ACTR10: variants seen among roughly 807,000 people sequenced by gnomAD.
The protein encoded by ACTR10 is actin-related protein 10.
Under a neutral mutation model 56.2 loss-of-function variants are expected in ACTR10, and 43 were observed. That is an observed-to-expected ratio of 0.77 (90% confidence interval 0.60 to 0.99). The LOEUF is 0.99. Among genes scored for constraint, ACTR10 ranks in the 50% least tolerant of loss-of-function variants. The pLI is 0.00. For missense variants in ACTR10, 466 were observed against 507.8 expected, an observed-to-expected ratio of 0.92 and a Z score of 0.79; for synonymous variants, 170 against 176.3, an observed-to-expected ratio of 0.96 and a Z score of 0.28.
chr14:58,221,292 A>AT (rs1460971214), intron 8 of ACTR10, among the ~76,000 whole-genome samples: 46 of 149,010 alleles, frequency 3.1e-4, no homozygotes, highest in African/African-American at 1.1e-3. Context: ...AAAAAAAAAA[A>AT]AAAAAAAAAA....
Position 58,211,324 on chromosome 14 carries a change from A to G in ACTR10, c.375A>G (p.Leu125=), listed in dbSNP as rs139523686. 381 of 1,613,688 alleles carry G rather than the reference A, an allele frequency of 2.4e-4. No individual in the cohort carries two copies. The highest frequency in any genetic ancestry group is 3.2e-4 in the Admixed American group (19 of 59,996). The change falls in exon 5 of 13, where the codon CTA becomes CTG. Residue 125 remains leucine, a synonymous_variant. Transcript: ENST00000254286. ...CTGTCTTGCTTGCTCCAAGTCATCT[A>G]ATGGCTCTTCTGACGCTTGGAATTA... is the stretch of plus-strand genomic sequence containing the variant. ...VPSVLLAPSH[L]MALLTLGINS...
chr14:58,203,302 CA>C (rs11384472), intron 2 of ACTR10, among the ~76,000 whole-genome samples: 54 of 105,460 alleles, frequency 5.1e-4, no homozygotes, highest in Non-Finnish European at 7.2e-4. Context: ...GACTTCGTCT[CA>C]AAAAAAAAAA....
At chr14:58,207,825 G>A (rs1295280681) in intron 2 of ACTR10, 111 bp from the exon 3 acceptor site, 2 of 607,900 alleles carry the variant, frequency 3.3e-6, no homozygotes, top group East Asian at 4.8e-5. Context: ...TCTCAATACA[G>A]ATTGCTTTTA....
intron 10 of ACTR10, among the ~76,000 whole-genome samples, chr14:58,225,837 CA>C (rs1389098705): frequency 6.6e-6 from 1 of 151,982 alleles, no homozygotes; most frequent in East Asian, 1.9e-4. Context: ...CTCAACCTCC[CA>C]AGTAGCTAGG....
intron 12 of ACTR10, 139 bp downstream of exon 12, chr14:58,232,406 T>TTC (rs1889562600): frequency 9.9e-6 from 1 of 100,660 alleles, no homozygotes. Context: ...GACTTTTTCT[T>TTC]TTTTTTTTTT....
At chr14:58,229,971 A>T (rs980656905) in intron 10 of ACTR10, among the ~76,000 whole-genome samples, 2 of 152,178 alleles carry the variant, frequency 1.3e-5, no homozygotes, top group Non-Finnish European at 2.9e-5. Context: ...GTATTATTTT[A>T]AAAAACAAAG....
chr14:58,202,912 A>G lies in ACTR10; in HGVS notation c.135A>G (p.Arg45=). ...PRCIIPSVIK[R]AGMPKPVRVV... ...GTATAATTCCTAGTGTGATAAAAAG[A>G]GCTGGGATGCCTAAGGTATTTAAAA... The change falls in exon 2 of 13, where the codon AGA becomes AGG. Residue 45 remains arginine, a synonymous_variant. Transcript: ENST00000254286. 2 of 1,600,322 alleles carry G rather than the reference A, an allele frequency of 1.2e-6. No homozygotes were observed. Among genetic ancestry groups the G allele is most frequent in the Middle Eastern group, 1.7e-4 (1 of 6,034 alleles).
chr14:58,209,704 T>C (rs1888949525), intron 4 of ACTR10, among the ~76,000 whole-genome samples: 1 of 152,198 alleles, frequency 6.6e-6, no homozygotes, highest in Admixed American at 6.5e-5. Flanking sequence ...TCACCAAGAA[T>C]ATGTTTTAAG....
intron 2 of ACTR10, 94 bp downstream of exon 2, chr14:58,203,021 G>A: frequency 1.1e-6 from 1 of 870,490 alleles, no homozygotes; most frequent in Non-Finnish European, 1.8e-6. Context: ...AGTACTAAAG[G>A]CCAGCCGTGG....
chr14:58,211,259 C>A, intron 4 of ACTR10, 33 bp from the exon 5 acceptor site: 1 of 1,477,982 alleles, frequency 6.8e-7, no homozygotes, highest in Non-Finnish European at 9.4e-7. Flanking sequence ...ACACTCATTC[C>A]GGTTTTGTTG....
chr14:58,228,278 A>G (rs1889446532), intron 10 of ACTR10, among the ~76,000 whole-genome samples: 1 of 152,168 alleles, frequency 6.6e-6, no homozygotes, highest in African/African-American at 2.4e-5. Flanking sequence ...GTTTCAAGCA[A>G]GTAGTCCTAA....
chr14:58,234,173 A>C (rs1380492305), intron 12 of ACTR10, among the ~76,000 whole-genome samples, 197 bp from the exon 13 acceptor site: 1 of 152,212 alleles, frequency 6.6e-6, no homozygotes, highest in Non-Finnish European at 1.5e-5. Flanking sequence ...TTACTTTAAC[A>C]TGGAGTTATG....
At chr14:58,205,213 C>A (rs552305648) in intron 2 of ACTR10, among the ~76,000 whole-genome samples, 22 of 150,924 alleles carry the variant, frequency 1.5e-4, no homozygotes, top group Non-Finnish European at 2.7e-4. Context: ...AAGAGCGAAA[C>A]TCCATCTCAA....
At chr14:58,214,771 G>A (rs999189067) in intron 6 of ACTR10, among the ~76,000 whole-genome samples, 59 of 150,926 alleles carry the variant, frequency 3.9e-4, no homozygotes, top group African/African-American at 1.3e-3. Context: ...GATTACAGGC[G>A]TGAGCCACCG....
At chr14:58,211,850 G>T (rs2140048531) in intron 5 of ACTR10, among the ~76,000 whole-genome samples, 2 of 151,970 alleles carry the variant, frequency 1.3e-5, no homozygotes, top group South Asian at 4.2e-4. Flanking sequence ...TGAGACAGGA[G>T]AGTGGCGTGA....
chr14:58,232,380 A>G (rs1048539040), intron 12 of ACTR10, 113 bp downstream of exon 12: 4 of 664,960 alleles, frequency 6.0e-6, no homozygotes, highest in African/African-American at 5.7e-5. Flanking sequence ...CCCACTTTAT[A>G]AATAGAACTA....
chr14:58,200,445 T>C, intron 1 of ACTR10, 151 bp downstream of exon 1: 1 of 527,144 alleles, frequency 1.9e-6, no homozygotes, highest in Non-Finnish European at 3.0e-6. Flanking sequence ...ACAGCTCTTA[T>C]TATTTCCTCC....
At chr14:58,231,553 G>C (rs1165103356) in intron 11 of ACTR10, among the ~76,000 whole-genome samples, 1 of 152,086 alleles carries the variant, frequency 6.6e-6, no homozygotes, top group Non-Finnish European at 1.5e-5. Flanking sequence ...TTTACCTCTA[G>C]GGCTCCATTC....
At chr14:58,213,581 G>A in intron 5 of ACTR10, 50 bp from the exon 6 acceptor site, 2 of 1,341,230 alleles carry the variant, frequency 1.5e-6, no homozygotes, top group Middle Eastern at 1.9e-4. Flanking sequence ...AAATATCAAG[G>A]AAACCACATT....
Sources: gnomAD v4.1 joint callset for allele counts (sites outside exome capture counted in the v4.1 genomes callset) on GRCh38, gnomAD v4.1.1 for gene constraint, MANE v1.5 for transcripts, NCBI Gene and HGNC (gene_info 2026-07-23, HGNC 2026-07-21) for gene names.